The following CTDP1 variants were observed in gnomAD, a reference collection of about 807,000 sequenced individuals.
The protein encoded by CTDP1 is CTD phosphatase 1.
Under a neutral mutation model 91.8 loss-of-function variants are expected in CTDP1, and 47 were observed. That is an observed-to-expected ratio of 0.51 (90% CI 0.41 to 0.65). The LOEUF is 0.65. CTDP1 is among the 30% of genes least tolerant of loss of function. The pLI, the probability that CTDP1 is intolerant of heterozygous loss-of-function variation, is 0.00. For missense variants in CTDP1, 1,272 were observed against 1,373.7 expected (o/e 0.93, Z 1.17); for synonymous variants, 656 against 598.5 (o/e 1.10, Z -1.40).
rs147203506 is a variant in CTDP1, at chr18:79,707,510, T to C, written c.772+2593T>C. 3.7e-3 allele frequency among the ~76,000 whole-genome samples: 566 copies of C among 152,346 alleles called. 9 individuals carry two copies. Among genetic ancestry groups the C allele is most frequent in the African/African-American group, 0.013 (545 of 41,582 alleles). ...AGGTTTGTTGAGCGTCACCGGGCCG[T>C]CTGGTGCCTTCTCCGTTTCAAGCTC... On this transcript the variant is annotated intron_variant, in intron 5 of 12. Coordinates refer to ENST00000613122, the MANE Select transcript of CTDP1 (RefSeq NM_004715.5).
At chr18:79,726,903 C>G (rs549880032) in intron 10 of CTDP1, among the ~76,000 whole-genome samples, 3,201 of 21,566 alleles carry the variant, frequency 0.15, 568 homozygotes, top group Non-Finnish European at 0.23. Context: ...GGATGGCTGT[C>G]GGGGTGGGAT....
chr18:79,711,694 T>C (rs1010724300), intron 6 of CTDP1, among the ~76,000 whole-genome samples: 3 of 152,216 alleles, frequency 2.0e-5, no homozygotes, highest in Non-Finnish European at 4.4e-5. Context: ...CACTTGACTA[T>C]TATGCCCATA....
chr18:79,733,413 G>A (rs939498166), intron 11 of CTDP1, among the ~76,000 whole-genome samples: 4 of 152,208 alleles, frequency 2.6e-5, no homozygotes, highest in Non-Finnish European at 4.4e-5. Context: ...GGAAGGTGCC[G>A]GAACCAGGGC....
rs1196519140 is a variant in CTDP1 at position 79,714,524 on chromosome 18, C to A, written c.1064C>A (p.Pro355Gln). 2 of 1,613,154 alleles carry A rather than the reference C, an allele frequency of 1.2e-6. No individual in the cohort carries two copies. Among genetic ancestry groups the A allele is most frequent in the Admixed American group, 1.7e-5 (1 of 60,032 alleles). ...TCTCGAGGCACTGAGGTCTCAGAGC[C>A]ATCTCCGCCCGTGAGAGACCCTGAG... ...NHSRGTEVSEPSPPVRDPEGV... is the reference protein window; with the variant it reads ...NHSRGTEVSEQSPPVRDPEGV... Residue 355 changes from proline (P) to glutamine (Q), a missense_variant, in exon 8 of 13, where the codon CCA becomes CAA. This residue lies in a region of CTDP1 where 881 missense variants were observed against 911.6 expected (regional missense o/e 0.97). Transcript: ENST00000613122.
In CTDP1 at chr18:79,697,719, G is replaced by A. The variant is rs1046339708; in HGVS notation, c.493-141G>A. 92 of 1,275,060 alleles carry A rather than the reference G, an allele frequency of 7.2e-5. 1 individual carries two copies. The highest frequency in any genetic ancestry group is 6.7e-4 in the African/African-American group (46 of 68,286). 79.0% of individuals were successfully genotyped at this position (1,275,060 alleles called of 1,614,324 possible). ...GGTTGGTGACCCAGCCCTGCCTCTC[G>A]GCCTGTACGGCGCAGTCCATGGAGC... On this transcript the variant is annotated intron_variant, in intron 3 of 12. Coordinates refer to ENST00000613122, the MANE Select transcript of CTDP1 (RefSeq NM_004715.5).
At chr18:79,679,727 CCGCGCGG>C (rs992635460), upstream of CTDP1, 140 of 512,408 alleles carry the variant, frequency 2.7e-4, 2 homozygotes, top group South Asian at 2.6e-3. Flanking sequence ...GGCTCCGGCC[CCGCGCGG>C]CGCTCGTATT....
At chr18:79,689,179 C>T (rs1481195676) in intron 1 of CTDP1, among the ~76,000 whole-genome samples, 1 of 152,180 alleles carries the variant, frequency 6.6e-6, no homozygotes, top group Admixed American at 6.5e-5. Context: ...TTCTTTCTTT[C>T]TGTATCATTG....
upstream of CTDP1, chr18:79,678,735 T>A (rs1209057080): frequency 3.3e-5 from 5 of 151,966 alleles, no homozygotes; most frequent in Non-Finnish European, 5.9e-5. Context: ...AAAAAAAAAA[T>A]TCTGGCAGGT....
intron 11 of CTDP1, among the ~76,000 whole-genome samples, chr18:79,733,455 G>A (rs994176777): frequency 6.6e-5 from 10 of 152,160 alleles, no homozygotes; most frequent in South Asian, 4.1e-4. Context: ...GGTGGGGCCC[G>A]TCTCCTGTAC....
At chr18:79,691,207 C>T (rs2085613396) in intron 1 of CTDP1, among the ~76,000 whole-genome samples, 1 of 152,242 alleles carries the variant, frequency 6.6e-6, no homozygotes, top group Non-Finnish European at 1.5e-5. Flanking sequence ...TCGTATTACA[C>T]TGTTGGTGAC....
upstream of CTDP1, among the ~76,000 whole-genome samples, chr18:79,677,053 T>C (rs551199343): frequency 2.0e-5 from 3 of 152,358 alleles, no homozygotes; most frequent in African/African-American, 7.2e-5. Context: ...AGTCCATACA[T>C]AACACACGGT....
intron 1 of CTDP1, chr18:79,685,288 C>A (rs2085471734): frequency 6.6e-6 from 1 of 152,180 alleles, no homozygotes; most frequent in Non-Finnish European, 1.5e-5. Context: ...GACAGGTCAC[C>A]ATCTTTCAGA....
At chr18:79,704,689 G>A (rs908513890) in intron 4 of CTDP1, 78 bp from the exon 5 acceptor site, 15 of 1,582,422 alleles carry the variant, frequency 9.5e-6, no homozygotes, top group Middle Eastern at 1.9e-4. Context: ...CAGGATGCCT[G>A]TCTCGGGCAC....
At position 79,715,003 on chromosome 18, in the gene CTDP1, G is replaced by A. The variant is rs746730170; in HGVS notation, c.1543G>A (p.Gly515Arg). The change falls in exon 8 of 13, where the codon GGA (glycine) becomes AGA (arginine). Residue 515 changes from glycine (G) to arginine (R), a missense_variant. Around this residue, in one of 3 missense-constraint regions of CTDP1, gnomAD observed 881 missense variants for 911.6 expected, o/e 0.97. Transcript: ENST00000613122. ...GCGGCCTGCAGCACCGAGTCTCCCC[G>A]GAGAGGCCGAGCCTGGCGCGCATGC... The part of the protein sequence containing the change: ...PGRPAAPSLP[G>R]EAEPGAHAPD... 3.0e-5 allele frequency: 48 copies of A among 1,588,046 alleles called. No homozygotes were observed. The highest frequency in any genetic ancestry group is 1.7e-4 in the Middle Eastern group (1 of 6,014).
At chr18:79,681,278 C>T (rs1349891597) in intron 1 of CTDP1, among the ~76,000 whole-genome samples, 5 of 152,188 alleles carry the variant, frequency 3.3e-5, no homozygotes, top group South Asian at 4.1e-4. Context: ...ACCCTCGGCA[C>T]GGGCACTCAC....
At chr18:79,679,418 G>T (rs745405611), upstream of CTDP1, 8 of 456,172 alleles carry the variant, frequency 1.8e-5, no homozygotes, top group South Asian at 1.2e-4. Flanking sequence ...GTGGAGGAGA[G>T]CGGCTCGCGG....
chr18:79,715,161 T>C lies in CTDP1; in HGVS notation c.1701T>C (p.Thr567=), dbSNP rs944957149. 7 of 1,613,112 alleles carry C rather than the reference T, an allele frequency of 4.3e-6. No homozygotes were observed. The African/African-American group carries it at 9.4e-5, about 22-fold the overall frequency. ...ESQNSELSGV[T]AGESLDQSME... ...AGAACAGCGAGCTGTCGGGGGTCACTGCGGGTGAGTCCCTGGACCAGAGCA... is the reference window on the plus strand; with the variant it reads ...AGAACAGCGAGCTGTCGGGGGTCACCGCGGGTGAGTCCCTGGACCAGAGCA... Residue 567 remains threonine (T), a synonymous_variant, in exon 8 of 13, where the codon ACT becomes ACC. Coordinates refer to ENST00000613122, the MANE Select transcript of CTDP1 (RefSeq NM_004715.5).
intron 10 of CTDP1, among the ~76,000 whole-genome samples, chr18:79,725,858 G>A (rs1334096434): frequency 6.6e-6 from 1 of 152,156 alleles, no homozygotes; most frequent in Admixed American, 6.5e-5. Context: ...TTCCTTCTGG[G>A]CTCCGTGGTT....
intron 12 of CTDP1, among the ~76,000 whole-genome samples, chr18:79,750,197 TA>T (rs2086968177): frequency 1.3e-5 from 2 of 151,950 alleles, no homozygotes; most frequent in East Asian, 3.9e-4. Context: ...TTTTTTTTTT[TA>T]AGACAGGGTC....
Sources: gnomAD v4.1 joint callset for allele counts (sites outside exome capture counted in the v4.1 genomes callset) on GRCh38, gnomAD v4.1.1 for gene constraint, gnomAD v4.1.1 regional missense constraint, MANE v1.5 for transcripts, NCBI Gene and HGNC (gene_info 2026-07-23, HGNC 2026-07-21) for gene names.